The following ATP8B4 variants were observed in gnomAD, a reference collection of about 807,000 sequenced individuals.
ATP8B4 encodes the protein probable phospholipid-transporting ATPase IM.
A neutral mutation model predicts 145.6 loss-of-function variants in ATP8B4; 133 were observed. The ratio of observed to expected loss-of-function variants is 0.91; its 90% CI spans 0.79 to 1.05. The LOEUF is 1.05. Among genes scored for constraint, ATP8B4 ranks in the 50% least tolerant of loss-of-function variants. The probability of loss-of-function intolerance (pLI) is 0.00; values close to 1 mark genes in which losing one functional copy is unlikely to be tolerated. For synonymous variants in ATP8B4, 507 were observed against 492.9 expected, an observed-to-expected ratio of 1.03 and a Z score of -0.38; for missense variants, 1,458 against 1,425.2, an observed-to-expected ratio of 1.02 and a Z score of -0.37.
At chr15:50,061,025 G>A (rs2052976255) in intron 3 of ATP8B4, among the ~76,000 whole-genome samples, 1 of 152,108 alleles carries the variant, frequency 6.6e-6, no homozygotes, top group African/African-American at 2.4e-5. Flanking sequence ...ACTTTAGGAG[G>A]TACTGGATTC....
At chr15:50,082,191 G>A (rs903940311) in intron 2 of ATP8B4, among the ~76,000 whole-genome samples, 1 of 152,190 alleles carries the variant, frequency 6.6e-6, no homozygotes, top group African/African-American at 2.4e-5. Flanking sequence ...AGAACAATGA[G>A]TGGGGAGAGC....
chr15:49,983,786 G>A (rs2153538041), intron 10 of ATP8B4, among the ~76,000 whole-genome samples: 1 of 152,260 alleles, frequency 6.6e-6, no homozygotes, highest in East Asian at 1.9e-4. Context: ...CCCTATCCAT[G>A]TCTCCAGTCC....
At chr15:49,918,152 C>T (rs901350270) in intron 19 of ATP8B4, among the ~76,000 whole-genome samples, 1 of 152,154 alleles carries the variant, frequency 6.6e-6, no homozygotes, top group African/African-American at 2.4e-5. Context: ...TTAACCATTA[C>T]TGCTAGCAGT....
chr15:49,895,416 T>C (rs1438152038), intron 23 of ATP8B4: 1 of 152,212 alleles, frequency 6.6e-6, no homozygotes, highest in East Asian at 1.9e-4. Flanking sequence ...CCCAATTCAC[T>C]GGCTTAAGAA....
rs1237867211 is a variant in ATP8B4, at chr15:50,106,997, C to T, written c.-31G>A. The T allele has an allele frequency of 1.3e-6, 2 of 1,553,208 alleles. No homozygotes were observed. The highest frequency in any genetic ancestry group is 2.1e-5 in the Admixed American group (1 of 48,764). On this transcript the variant is annotated 5_prime_UTR_variant, in exon 2 of 28. Transcript: ENST00000284509. ...TACCTGATCTTTCACCAGGTCTCAA[C>T]AGGTGGCCTACCTAAGAAAAAGAAG...
rs1471255927 is a variant in ATP8B4 at position 50,106,846 on chromosome 15, G to A, written c.28+93C>T. On this transcript the variant is annotated intron_variant, in intron 2 of 27. Coordinates refer to ENST00000284509, the MANE Select transcript of ATP8B4 (RefSeq NM_024837.4). ...CACTGAGCTGAACACCTAGACCTGT[G>A]TGCTTTTTATATATAAATTAAACTT... 1.0e-5 allele frequency: 13 copies of A among 1,289,390 alleles called. 1 individual carries two copies. The highest frequency in any genetic ancestry group is 7.0e-5 in the South Asian group (5 of 71,456). 79.9% of individuals were successfully genotyped at this position (1,289,390 alleles called of 1,614,324 possible). A position where few individuals can be genotyped will look rare whatever the true frequency, so the allele number is the denominator to read the frequency against.
At chr15:50,009,109 A>G (rs981481540) in intron 7 of ATP8B4, among the ~76,000 whole-genome samples, 4 of 152,136 alleles carry the variant, frequency 2.6e-5, no homozygotes, top group African/African-American at 9.7e-5. Context: ...CTTTCACTGT[A>G]ATCATTTTAA....
chr15:49,995,344 G>C (rs2153553960), intron 9 of ATP8B4, among the ~76,000 whole-genome samples: 1 of 152,244 alleles, frequency 6.6e-6, no homozygotes, highest in East Asian at 1.9e-4. Flanking sequence ...CAAGTATTTT[G>C]ATTCATGAAC....
chr15:50,068,359 GT>G (rs2053519478), intron 3 of ATP8B4, among the ~76,000 whole-genome samples: 1 of 152,136 alleles, frequency 6.6e-6, no homozygotes, highest in Non-Finnish European at 1.5e-5. Context: ...AATGGGCATT[GT>G]TTTACCAACC....
chr15:50,001,789 A>G (rs1227156589), intron 8 of ATP8B4, among the ~76,000 whole-genome samples: 1 of 152,188 alleles, frequency 6.6e-6, no homozygotes, highest in African/African-American at 2.4e-5. Flanking sequence ...TGCCTTTTAA[A>G]GTAACATCAG....
intron 11 of ATP8B4, among the ~76,000 whole-genome samples, 195 bp downstream of exon 11, chr15:49,981,011 T>C (rs2046105552): frequency 6.6e-6 from 1 of 152,242 alleles, no homozygotes; most frequent in Admixed American, 6.5e-5. Flanking sequence ...CTACCTCTCA[T>C]GATAAATTCT....
chr15:49,870,609 T>G (rs76716373), intron 25 of ATP8B4, among the ~76,000 whole-genome samples: 1,524 of 152,280 alleles, frequency 0.01, 21 homozygotes, highest in African/African-American at 0.025. Context: ...GGAAAGGATA[T>G]TAATGCTGCT....
chr15:50,093,673 A>G (rs2055758709), intron 2 of ATP8B4, among the ~76,000 whole-genome samples: 1 of 152,156 alleles, frequency 6.6e-6, no homozygotes, highest in Non-Finnish European at 1.5e-5. Context: ...TATATTAGAT[A>G]TAAGTAAGTA....
intron 6 of ATP8B4, among the ~76,000 whole-genome samples, chr15:50,029,411 G>C (rs61695389): frequency 6.6e-6 from 1 of 151,862 alleles, no homozygotes; most frequent in South Asian, 2.1e-4. Context: ...AGCATTCCTT[G>C]GCTTGGGGCT....
chr15:49,859,866 G>C lies in ATP8B4; in HGVS notation c.*328C>G. On this transcript the variant is annotated 3_prime_UTR_variant, in exon 28 of 28. Transcript: ENST00000284509. The stretch of plus-strand genomic sequence containing the variant: ...GCCTGAGGATCCATTCAGTGAATAT[G>C]CAGCTTTACAAGTTTTTCTCCATAA... The C allele has an allele frequency of 3.9e-6, 1 of 259,690 alleles. No individual in the cohort carries two copies. The highest frequency in any genetic ancestry group is 7.3e-6 in the Non-Finnish European group (1 of 137,860). 16.1% of individuals were successfully genotyped at this position (259,690 alleles called of 1,614,324 possible).
intron 20 of ATP8B4, among the ~76,000 whole-genome samples, chr15:49,902,836 T>G (rs1255566015): frequency 6.6e-6 from 1 of 152,200 alleles, no homozygotes; most frequent in Non-Finnish European, 1.5e-5. Context: ...GCTCATAAAT[T>G]GTGACTTCAG....
At chr15:50,180,315 C>A (rs2044826795) in intron 1 of ATP8B4, among the ~76,000 whole-genome samples, 1 of 152,162 alleles carries the variant, frequency 6.6e-6, no homozygotes, top group African/African-American at 2.4e-5. Flanking sequence ...TGAATGAGAA[C>A]AGAGGAGGTG....
At chr15:50,054,797 A>C (rs868038488) in intron 3 of ATP8B4, among the ~76,000 whole-genome samples, 8,724 of 133,890 alleles carry the variant, frequency 0.065, 190 homozygotes, top group Non-Finnish European at 0.083. Context: ...AAAAAAAAAA[A>C]AAAAAAAAAA....
chr15:50,163,698 C>T (rs8040133), intron 1 of ATP8B4, among the ~76,000 whole-genome samples: 5,594 of 152,254 alleles, frequency 0.037, 152 homozygotes, highest in African/African-American at 0.075. Flanking sequence ...TCCAGCCTTG[C>T]TTGTATCTTT....
Sources: allele counts gnomAD v4.1 joint callset (sites outside exome capture counted in the v4.1 genomes callset), GRCh38; gene constraint gnomAD v4.1.1; transcripts MANE v1.5; gene names NCBI Gene and HGNC (gene_info 2026-07-23, HGNC 2026-07-21).